GNPDA1: variants seen among roughly 807,000 people sequenced by gnomAD.
The protein encoded by GNPDA1 is GNPDA 1.
GNPDA1 carries 24 observed loss-of-function variants against 28.5 expected under a neutral mutation model. That is an observed-to-expected ratio of 0.84 (90% CI 0.61 to 1.19). The LOEUF (loss-of-function observed/expected upper bound fraction) is 1.19, where lower values mean the gene tolerates loss of function less well. Among genes scored for constraint, GNPDA1 ranks in the 50% most tolerant of loss-of-function variants. GNPDA1 has a pLI of 0.00. For synonymous variants in GNPDA1, 147 were observed against 139.3 expected, an observed-to-expected ratio of 1.06 and a Z score of -0.39; for missense variants, 264 against 367.3, an observed-to-expected ratio of 0.72 and a Z score of 2.30.
intron 5 of GNPDA1, 69 bp downstream of exon 5, chr5:142,004,863 G>A: frequency 9.6e-7 from 1 of 1,040,754 alleles, no homozygotes; most frequent in Non-Finnish European, 1.4e-6. Context: ...GGTGGTACCA[G>A]TATAGTTAAG....
intron 1 of GNPDA1, 158 bp from the exon 2 acceptor site, chr5:142,012,199 G>A: frequency 1.6e-6 from 1 of 642,406 alleles, no homozygotes; most frequent in South Asian, 2.5e-5. Flanking sequence ...GGAGCTAAGA[G>A]GCTAGGCCAG....
rs753033449 is a variant in GNPDA1, at chr5:142,005,054, G to C, written c.472C>G (p.Arg158Gly). Residue 158 changes from arginine to glycine, a missense_variant, in exon 5 of 7, where the codon CGT (arginine) becomes GGT (glycine). Arg to Gly is a moderately radical substitution (Grantham distance 125). Coordinates refer to ENST00000311337, the MANE Select transcript of GNPDA1 (RefSeq NM_005471.5). ...EPGSSLVSRT[R>G]VKTLAMDTIL... Reference sequence around the variant, plus strand: ...GTATCCATGGCCAGCGTCTTCACACGGGTCCTGGACACCAGACTGGAGCCT... The same window carrying C: ...GTATCCATGGCCAGCGTCTTCACACCGGTCCTGGACACCAGACTGGAGCCT... 1 of 1,613,574 alleles carries C rather than the reference G, an allele frequency of 6.2e-7. No homozygotes were observed. The highest frequency in any genetic ancestry group is 1.7e-5 in the Admixed American group (1 of 59,992).
intron 3 of GNPDA1, 72 bp downstream of exon 3, chr5:142,007,727 G>T: frequency 1.1e-6 from 1 of 887,948 alleles, no homozygotes; most frequent in South Asian, 1.4e-5. Flanking sequence ...TTCCTCTCCA[G>T]GACTGGGCCA....
chr5:142,009,391 C>T (rs1755889131), intron 2 of GNPDA1, among the ~76,000 whole-genome samples: 1 of 152,264 alleles, frequency 6.6e-6, no homozygotes, highest in African/African-American at 2.4e-5. Flanking sequence ...TGCCGACACA[C>T]TCCCTATCCT....
Position 142,003,846 on chromosome 5 carries a change from C to CT in GNPDA1, c.595-585dup, listed in dbSNP as rs922327413. Among the ~76,000 whole-genome samples the CT allele has an allele frequency of 1.3e-5, 2 of 152,184 alleles. No homozygotes were observed. The highest frequency in any genetic ancestry group is 2.9e-5 in the Non-Finnish European group (2 of 68,030). ...TAATAAAACAAAGGCACAGTCTCCA[C>CT]TTAACAGTTAAAATATCGAGAATGT... On this transcript the variant is annotated intron_variant, in intron 5 of 6. Coordinates refer to ENST00000311337, the MANE Select transcript of GNPDA1 (RefSeq NM_005471.5). The surrounding 1 kb of genome is among the most constrained non-coding windows in gnomAD (Gnocchi z 4.0).
rs2127101090 is a variant in GNPDA1 at position 142,013,009 on chromosome 5, C to A, written c.-21G>T. 1 of 151,214 alleles carries A rather than the reference C, an allele frequency of 6.6e-6. No homozygotes were observed. The highest frequency in any genetic ancestry group is 2.1e-4 in the South Asian group (1 of 4,812). 9.4% of individuals were successfully genotyped at this position (151,214 alleles called of 1,614,324 possible). Reference sequence around the variant, plus strand: ...TACCCACTTACACGGACGCCTCCCGCGGCGGCTGCAGCGACTGCGCCGGCG... The same window carrying A: ...TACCCACTTACACGGACGCCTCCCGAGGCGGCTGCAGCGACTGCGCCGGCG... On this transcript the variant is annotated 5_prime_UTR_variant, in exon 1 of 7. Transcript: ENST00000311337.
intron 6 of GNPDA1, 152 bp from the exon 7 acceptor site, chr5:142,002,281 AG>A (rs1755694097): frequency 3.4e-6 from 2 of 581,792 alleles, no homozygotes; most frequent in Non-Finnish European, 6.1e-6. Context: ...ACACCCTAAG[AG>A]TATAAAAAGA....
In GNPDA1 at chr5:142,006,037, G is replaced by A. The variant is rs1472449276; in HGVS notation, c.409+107C>T. 6.8e-6 allele frequency: 6 copies of A among 878,700 alleles called. 1 individual carries two copies. The highest frequency in any genetic ancestry group is 9.0e-6 in the Non-Finnish European group (5 of 555,126). The allele number at this position is 878,700 out of a possible 1,614,324, so 54.4% of individuals were successfully genotyped here. A position where few individuals can be genotyped will look rare whatever the true frequency, so the allele number is the denominator to read the frequency against. Reference sequence around the variant, plus strand: ...CCATTTCTCCCGCCTCTGTCTCTACGGTCACTAGCACACCCAGAAGAAGCT... The same window carrying A: ...CCATTTCTCCCGCCTCTGTCTCTACAGTCACTAGCACACCCAGAAGAAGCT... On this transcript the variant is annotated intron_variant, in intron 4 of 6. Coordinates refer to ENST00000311337, the MANE Select transcript of GNPDA1 (RefSeq NM_005471.5).
Position 142,006,748 on chromosome 5 carries a change from A to C in GNPDA1, c.227-422T>G, listed in dbSNP as rs912343525. On this transcript the variant is annotated intron_variant, in intron 3 of 6. Coordinates refer to ENST00000311337, the MANE Select transcript of GNPDA1 (RefSeq NM_005471.5). ...CACCATCCACTCCCAGTTCTACCCC[A>C]CTCAGCCTGAATAAATCCCAGCTTG... 8.6e-4 allele frequency among the ~76,000 whole-genome samples: 130 copies of C among 150,670 alleles called. 1 individual carries two copies. The highest frequency in any genetic ancestry group is 1.2e-3 in the Non-Finnish European group (82 of 67,792).
chr5:142,001,956 C>T lies in GNPDA1; in HGVS notation c.*73G>A, dbSNP rs1157676853. The T allele has an allele frequency of 2.5e-6, 2 of 785,028 alleles. No individual in the cohort carries two copies. Among genetic ancestry groups the T allele is most frequent in the Admixed American group, 4.5e-5 (2 of 44,288 alleles). The allele number at this position is 785,028 out of a possible 1,614,324, so 48.6% of individuals were successfully genotyped here. ...CATACTAGATTAAAGAAATACAATT[C>T]TTTCTTCTAAAGACAATTTCCAGAA... On this transcript the variant is annotated 3_prime_UTR_variant, in exon 7 of 7. Coordinates refer to ENST00000311337, the MANE Select transcript of GNPDA1 (RefSeq NM_005471.5).
intron 6 of GNPDA1, 53 bp from the exon 7 acceptor site, chr5:142,002,182 CTTGA>C (rs1195040588): frequency 1.1e-6 from 1 of 905,982 alleles, no homozygotes; most frequent in East Asian, 2.5e-5. Flanking sequence ...GCAAGAGTTC[CTTGA>C]TTATCAATCA....
intron 6 of GNPDA1, among the ~76,000 whole-genome samples, chr5:142,002,630 G>C (rs1315460106): frequency 6.6e-6 from 1 of 152,090 alleles, no homozygotes; most frequent in African/African-American, 2.4e-5. Flanking sequence ...GCGGGCACCT[G>C]TAATCCCAGC....
chr5:142,003,157 G>C lies in GNPDA1; in HGVS notation c.700C>G (p.Arg234Gly), dbSNP rs373357292. ...WTVSAFQQHP[R>G]TVFVCDEDAT... ...TCCTCGTCACACACAAACACGGTGC[G>C]GGGATGCTGCTGGAAGGCAGACACG... The change falls in exon 6 of 7, where the codon CGC (arginine) becomes GGC (glycine). Residue 234 changes from arginine to glycine, a missense_variant. Coordinates refer to ENST00000311337, the MANE Select transcript of GNPDA1 (RefSeq NM_005471.5). The surrounding 1 kb of genome is among the most constrained non-coding windows in gnomAD (Gnocchi z 4.0). The C allele has an allele frequency of 1.2e-6, 2 of 1,613,996 alleles. No homozygotes were observed. The highest frequency in any genetic ancestry group is 1.3e-5 in the African/African-American group (1 of 74,896).
At chr5:142,009,954 G>T (rs1297978621) in intron 2 of GNPDA1, among the ~76,000 whole-genome samples, 2 of 152,142 alleles carry the variant, frequency 1.3e-5, no homozygotes, top group Admixed American at 6.5e-5. Context: ...ACTCTGCAAT[G>T]ATGGGAACGA....
At position 142,011,949 on chromosome 5, in the gene GNPDA1, T is replaced by A; in HGVS notation, c.87A>T (p.Pro29=). The A allele has an allele frequency of 6.2e-7, 1 of 1,614,030 alleles. No homozygotes were observed. The highest frequency in any genetic ancestry group is 8.5e-7 in the Non-Finnish European group (1 of 1,179,918). Residue 29 remains proline, a synonymous_variant, in exon 2 of 7, where the codon CCA becomes CCT. Transcript: ENST00000311337. ...YIRNRIIQFN[P]GPEKYFTLGL... is the part of the protein sequence containing the mutation. ...CCAGGGTGAAGTACTTCTCTGGCCC[T>A]GGGTTAAACTGGATGATGCGGTTCC... is the stretch of plus-strand genomic sequence containing the variant.
chr5:142,005,813 G>C (rs955422844), intron 4 of GNPDA1, among the ~76,000 whole-genome samples: 9 of 152,100 alleles, frequency 5.9e-5, no homozygotes, highest in African/African-American at 2.2e-4. Flanking sequence ...GGGCTGTGTG[G>C]AGCCTTCCGG....
chr5:142,007,954 C>T (rs1755849505), intron 2 of GNPDA1, 54 bp from the exon 3 acceptor site: 34 of 986,406 alleles, frequency 3.4e-5, no homozygotes, highest in Non-Finnish European at 4.9e-5. Context: ...TCTGGAAGCC[C>T]AGAGGGTTCA....
chr5:142,010,513 T>TTCTTTC lies in GNPDA1; in HGVS notation c.124+1398_124+1399insGAAAGA, dbSNP rs776293204. Among the ~76,000 whole-genome samples, 412 of 46,086 alleles carry TTCTTTC rather than the reference T, an allele frequency of 8.9e-3. 3 individuals are homozygous for TTCTTTC. Among genetic ancestry groups the TTCTTTC allele is most frequent in the East Asian group, 0.034 (8 of 236 alleles). The allele number at this position is 46,086 out of a possible 152,430, so 30.2% of individuals were successfully genotyped here. A position where few individuals can be genotyped will look rare whatever the true frequency, so the allele number is the denominator to read the frequency against. On this transcript the variant is annotated intron_variant, in intron 2 of 6. Coordinates refer to ENST00000311337, the MANE Select transcript of GNPDA1 (RefSeq NM_005471.5). ...TTAAGAATGGTTTTCTTTTCTTTCT[T>TTCTTTC]TTTTTTTTTTTTTTTGAGACAGAAT...
chr5:142,006,024 CCT>C (rs2127091787), intron 4 of GNPDA1, 118 bp downstream of exon 4: 1 of 781,966 alleles, frequency 1.3e-6, no homozygotes, highest in South Asian at 1.8e-5. Context: ...ATTTCTCCCG[CCT>C]CTGTCTCTAC....
Sources: gnomAD v4.1 joint callset for allele counts (sites outside exome capture counted in the v4.1 genomes callset) on GRCh38, gnomAD v4.1.1 for gene constraint, Gnocchi (gnomAD v3.1) non-coding constraint, MANE v1.5 for transcripts, NCBI Gene and HGNC (gene_info 2026-07-23, HGNC 2026-07-21) for gene names.